The following CEP72 variants were observed in gnomAD, a reference collection of about 807,000 sequenced individuals.
The protein encoded by CEP72 is centrosomal protein 72.
In CEP72, 78 loss-of-function variants were observed where a neutral mutation model predicts 65.7. That is an observed-to-expected ratio of 1.19 (90% CI 0.99 to 1.43). The LOEUF is 1.43. Ranked by LOEUF, CEP72 falls within the 40% of genes most tolerant of loss-of-function variation. The pLI is 0.00. For synonymous variants in CEP72, 358 were observed against 351.7 expected, an observed-to-expected ratio of 1.02 and a Z score of -0.20; for missense variants, 914 against 832.9, an observed-to-expected ratio of 1.10 and a Z score of -1.20.
chr5:669,364 G>A (rs1004544781), downstream of CEP72, among the ~76,000 whole-genome samples: 15 of 152,166 alleles, frequency 9.9e-5, no homozygotes, highest in South Asian at 2.1e-4. Context: ...TGACGCGCTC[G>A]GCGTGGACAC....
intron 11 of CEP72, among the ~76,000 whole-genome samples, chr5:649,075 G>T (rs1738692937): frequency 6.9e-6 from 1 of 145,938 alleles, no homozygotes; most frequent in African/African-American, 2.7e-5. Flanking sequence ...TGGACTGTGA[G>T]GTGTGACTGT....
intron 4 of CEP72, among the ~76,000 whole-genome samples, chr5:632,987 T>G (rs1437795400): frequency 3.6e-5 from 3 of 83,802 alleles, no homozygotes; most frequent in African/African-American, 1.4e-4. Context: ...CTGGTGGGGT[T>G]CTGTCCAGTG....
chr5:664,093 G>A (rs1333113511), intron 2 of CEP72: 4 of 152,568 alleles, frequency 2.6e-5, no homozygotes, highest in African/African-American at 9.6e-5. Flanking sequence ...TCTCCGGCGG[G>A]GGGGATTGGC....
the CEP72 span, among the ~76,000 whole-genome samples, chr5:674,018 C>T: frequency 6.6e-6 from 1 of 152,384 alleles, no homozygotes; most frequent in Middle Eastern, 3.4e-3. Context: ...GAAGGAATCA[C>T]AGCCGGCACT....
chr5:616,831 T>C (rs7378524), intron 1 of CEP72, among the ~76,000 whole-genome samples: 42,794 of 147,570 alleles, frequency 0.29, 7,170 homozygotes, highest in Non-Finnish European at 0.36. Flanking sequence ...TGTGTGTGTG[T>C]GCGCGCGAGT....
chr5:619,694 A>G (rs968158054), intron 2 of CEP72, among the ~76,000 whole-genome samples: 1 of 152,210 alleles, frequency 6.6e-6, no homozygotes, highest in Non-Finnish European at 1.5e-5. Context: ...GTGCTGCCTC[A>G]TCTTTCCCCG....
intron 4 of CEP72, among the ~76,000 whole-genome samples, chr5:666,651 C>A (rs1029423833): frequency 6.6e-6 from 1 of 151,454 alleles, no homozygotes; most frequent in Admixed American, 6.6e-5. Flanking sequence ...CCGCTGTGCC[C>A]TTGCACTGCT....
At chr5:631,752 C>T (rs1167180766) in intron 4 of CEP72, among the ~76,000 whole-genome samples, 2 of 74,542 alleles carry the variant, frequency 2.7e-5, no homozygotes, top group African/African-American at 4.8e-5. Flanking sequence ...TGTCCAGTGC[C>T]GGGATTTAGA....
downstream of CEP72, among the ~76,000 whole-genome samples, chr5:671,764 C>G (rs1163334601): frequency 2.6e-5 from 4 of 152,216 alleles, no homozygotes; most frequent in African/African-American, 9.6e-5. Context: ...GGCGTGGCCA[C>G]TAGAGGCTCC....
chr5:670,088 C>T (rs1173974044), downstream of CEP72, among the ~76,000 whole-genome samples: 2 of 151,678 alleles, frequency 1.3e-5, no homozygotes, highest in African/African-American at 2.4e-5. Context: ...AGTCCCCTGG[C>T]CTCTGGGCCT....
At chr5:618,051 C>G (rs1440179927) in intron 1 of CEP72, among the ~76,000 whole-genome samples, 2 of 152,102 alleles carry the variant, frequency 1.3e-5, no homozygotes, top group Non-Finnish European at 2.9e-5. Context: ...AACAGGAGGA[C>G]AGCAGACAGG....
At position 618,389 on chromosome 5, in the gene CEP72, A is replaced by T. The variant is rs78625104; in HGVS notation, c.83-601A>T. On this transcript the variant is annotated intron_variant, in intron 1 of 11. Coordinates refer to ENST00000264935, the MANE Select transcript of CEP72 (RefSeq NM_018140.4). ...AAATACAGAAATGTGTAAGAGGGAA[A>T]ATAAAGGGATTTATTCCACAATAGG... Among the ~76,000 whole-genome samples the T allele has an allele frequency of 3.2e-3, 475 of 148,822 alleles. 20 individuals are homozygous for T. The East Asian group carries it at 0.086, about 27-fold the overall frequency.
At chr5:661,312 T>TGTCCCTCTCTCCTGG (rs1561074365), downstream of CEP72, 1 of 55,182 alleles carries the variant, frequency 1.8e-5, no homozygotes, top group Non-Finnish European at 4.2e-5. Flanking sequence ...CTGTCTCCTC[T>TGTCCCTCTCTCCTGG]TGTCACCCCC....
the CEP72 span, among the ~76,000 whole-genome samples, chr5:673,525 G>T: frequency 1.3e-5 from 2 of 152,162 alleles, no homozygotes; most frequent in African/African-American, 4.8e-5. Flanking sequence ...CTGGCCACCT[G>T]AGCTGCTGCC....
At chr5:646,894 G>C (rs1738465034) in intron 10 of CEP72, among the ~76,000 whole-genome samples, 2 of 152,192 alleles carry the variant, frequency 1.3e-5, no homozygotes, top group South Asian at 4.1e-4. Flanking sequence ...TTGTGTTTGG[G>C]GTCCCAAGGC....
rs1737402569 is a variant in CEP72 at position 633,894 on chromosome 5, G to GGAGCAC, written c.643_648dup (p.Thr215_Ser216dup). The stretch of plus-strand genomic sequence containing the variant: ...GAGTGGGACCTCGGCAGGCCTCCCG[G>GGAGCAC]GAGCACGAGCTTCAGCCAGAAGGGG... On this transcript the variant is annotated inframe_insertion, in exon 5 of 12. Transcript: ENST00000264935. The GGAGCAC allele has an allele frequency of 6.2e-7, 1 of 1,613,176 alleles. No individual in the cohort carries two copies. Among genetic ancestry groups the GGAGCAC allele is most frequent in the African/African-American group, 1.3e-5 (1 of 74,940 alleles).
chr5:639,366 T>A, intron 8 of CEP72, 142 bp downstream of exon 8: 2 of 939,504 alleles, frequency 2.1e-6, no homozygotes, highest in Non-Finnish European at 3.1e-6. Flanking sequence ...GTCCCGCGCC[T>A]GGGCCCTCCC....
intron 9 of CEP72, chr5:642,916 A>C (rs1272936807): frequency 1.4e-5 from 14 of 985,336 alleles, no homozygotes; most frequent in Non-Finnish European, 1.4e-5. Context: ...CTTCCTTTGG[A>C]AGCTGCAGTC....
chr5:614,684 A>G (rs566957939), intron 1 of CEP72, among the ~76,000 whole-genome samples: 9 of 152,204 alleles, frequency 5.9e-5, no homozygotes, highest in East Asian at 5.8e-4. Flanking sequence ...TTTAAGGAGT[A>G]TGTTTTTAAC....
Sources: allele counts gnomAD v4.1 joint callset (sites outside exome capture counted in the v4.1 genomes callset), GRCh38; gene constraint gnomAD v4.1.1; transcripts MANE v1.5; gene names NCBI Gene and HGNC (gene_info 2026-07-23, HGNC 2026-07-21).